Variants in PKHD1L1 observed in about 807,000 individuals in gnomAD.
PKHD1L1 encodes fibrocystin-L.
In PKHD1L1, 434 loss-of-function variants were observed where a neutral mutation model predicts 462.9. The ratio of observed to expected loss-of-function variants is 0.94; its 90% CI spans 0.87 to 1.02. The LOEUF is 1.02. Ranked by LOEUF, PKHD1L1 falls within the 50% of genes least tolerant of loss-of-function variation. The probability of loss-of-function intolerance (pLI) is 0.00; values close to 1 mark genes in which losing one functional copy is unlikely to be tolerated. For synonymous variants in PKHD1L1, 1,781 were observed against 1,750.0 expected (o/e 1.02, Z -0.44); for missense variants, 5,202 against 5,096.1 (o/e 1.02, Z -0.63).
chr8:109,467,300 G>A (rs1162731076), intron 50 of PKHD1L1, among the ~76,000 whole-genome samples: 1 of 152,128 alleles, frequency 6.6e-6, no homozygotes, highest in Non-Finnish European at 1.5e-5. Flanking sequence ...AAACGAGCAA[G>A]CTAACTAAAT....
In PKHD1L1 at chr8:109,426,209, T is replaced by A. The variant is rs551733247; in HGVS notation, c.2846-793T>A. ...ATTCATGACTTATAGGTTATCAGTA[T>A]TTTCAAAGACATTACAAATTAACAT... On this transcript the variant is annotated intron_variant, in intron 24 of 77. Transcript: ENST00000378402. Among the ~76,000 whole-genome samples the A allele has an allele frequency of 2.3e-4, 32 of 139,464 alleles. No homozygotes were observed. The South Asian group carries it at 7.7e-3, about 33-fold the overall frequency. 91.5% of individuals were successfully genotyped at this position (139,464 alleles called of 152,430 possible).
At chr8:109,416,588 A>G (rs762374325) in intron 21 of PKHD1L1, among the ~76,000 whole-genome samples, 1 of 152,204 alleles carries the variant, frequency 6.6e-6, no homozygotes, top group Non-Finnish European at 1.5e-5. Flanking sequence ...AATCCTATGT[A>G]TAAAATGGGA....
rs888709981 is a variant in PKHD1L1, at chr8:109,464,416, A to G, written c.7584A>G (p.Ile2528Met). The change falls in exon 49 of 78, where the codon ATA (isoleucine) becomes ATG (methionine). Residue 2528 changes from isoleucine (I) to methionine (M), a missense_variant. By Grantham distance (10) the Ile-to-Met change is conservative. This residue lies in a region of PKHD1L1 where 4,497 missense variants were observed against 4,336.8 expected (regional missense o/e 1.04). Transcript: ENST00000378402. ...IYDIKGGAFF[I>M]EDGIEHGNIL... ...ATATTAAGGGAGGAGCATTTTTTATAGAAGATGGTATTGAACATGGCAATA... is the reference window on the plus strand; with the variant it reads ...ATATTAAGGGAGGAGCATTTTTTATGGAAGATGGTATTGAACATGGCAATA... 2 of 1,613,580 alleles carry G rather than the reference A, an allele frequency of 1.2e-6. No homozygotes were observed. The highest frequency in any genetic ancestry group is 2.7e-5 in the African/African-American group (2 of 75,020).
chr8:109,463,816 C>T (rs537189669), intron 48 of PKHD1L1, among the ~76,000 whole-genome samples: 2 of 152,240 alleles, frequency 1.3e-5, no homozygotes, highest in South Asian at 4.1e-4. Flanking sequence ...TAGGATCATG[C>T]ATGCAAAAGA....
At position 109,508,161 on chromosome 8, in the gene PKHD1L1, G is replaced by A. The variant is rs1162057116; in HGVS notation, c.11292G>A (p.Met3764Ile). 3 of 1,612,888 alleles carry A rather than the reference G, an allele frequency of 1.9e-6. No homozygotes were observed. The African/African-American group carries it at 4.0e-5, about 22-fold the overall frequency. Reference sequence around the variant, plus strand: ...GGCAGAGCTATCAGTGCTTTGGGATGGAATATGCAATGATGGTTATTGAAA... The same window carrying A: ...GGCAGAGCTATCAGTGCTTTGGGATAGAATATGCAATGATGGTTATTGAAA... ...PEWQSYQCFG[M>I]EYAMMVIESL... Residue 3764 changes from methionine (M) to isoleucine (I), a missense_variant, in exon 70 of 78, where the codon ATG becomes ATA. Physicochemically the swap from Met to Ile is conservative, Grantham distance 10. This residue lies in a region of PKHD1L1 where 698 missense variants were observed against 736.3 expected (regional missense o/e 0.95). Coordinates refer to ENST00000378402, the MANE Select transcript of PKHD1L1 (RefSeq NM_177531.6).
chr8:109,534,960 T>G lies in PKHD1L1; in HGVS notation c.*4870T>G, dbSNP rs912408826. ...ATTCTTTCAATTTCTCTAAAGTGCT[T>G]AGCACACACTCTGCCCATGGTAAGT... On this transcript the variant is annotated 3_prime_UTR_variant, in exon 78 of 78. Coordinates refer to ENST00000378402, the MANE Select transcript of PKHD1L1 (RefSeq NM_177531.6). Among the ~76,000 whole-genome samples, 1 of 152,194 alleles carries G rather than the reference T, an allele frequency of 6.6e-6. No homozygotes were observed. The highest frequency in any genetic ancestry group is 6.5e-5 in the Admixed American group (1 of 15,278).
intron 14 of PKHD1L1, among the ~76,000 whole-genome samples, chr8:109,403,472 G>A (rs1008008002): frequency 2.6e-5 from 4 of 152,076 alleles, no homozygotes; most frequent in African/African-American, 7.2e-5. Flanking sequence ...AAGATTAAAC[G>A]TAATAATGTC....
intron 10 of PKHD1L1, among the ~76,000 whole-genome samples, chr8:109,395,594 T>TG (rs1812929550): frequency 6.6e-6 from 1 of 152,200 alleles, no homozygotes; most frequent in African/African-American, 2.4e-5. Context: ...CTACAACTTA[T>TG]ATATGCAAAG....
chr8:109,470,364 A>T, intron 50 of PKHD1L1: 1 of 1,554,306 alleles, frequency 6.4e-7, no homozygotes, highest in Non-Finnish European at 8.9e-7. Flanking sequence ...ATTACTATGA[A>T]CCCAAGCTTA....
intron 67 of PKHD1L1, among the ~76,000 whole-genome samples, chr8:109,501,374 T>A (rs1819406972): frequency 6.6e-6 from 1 of 152,152 alleles, no homozygotes; most frequent in African/African-American, 2.4e-5. Flanking sequence ...CAGGAGCCCG[T>A]GCCATTAGAT....
At chr8:109,442,604 G>A (rs1415294237) in intron 35 of PKHD1L1, among the ~76,000 whole-genome samples, 1 of 151,984 alleles carries the variant, frequency 6.6e-6, no homozygotes, top group Non-Finnish European at 1.5e-5. Flanking sequence ...TGTCTGTTTT[G>A]TTTTGTACAT....
In PKHD1L1 at chr8:109,535,458, C is replaced by G. The variant is rs61132431; in HGVS notation, c.*5368C>G. 3.0e-4 allele frequency among the ~76,000 whole-genome samples: 45 copies of G among 152,182 alleles called. No individual in the cohort carries two copies. Among genetic ancestry groups the G allele is most frequent in the African/African-American group, 1.1e-3 (45 of 41,506 alleles). On this transcript the variant is annotated 3_prime_UTR_variant, in exon 78 of 78. Transcript: ENST00000378402. ...AGGATTTAATTTCAAATAAGAACTACGTACAAAATATAGATTTAAATTAAT... is the reference window on the plus strand; with the variant it reads ...AGGATTTAATTTCAAATAAGAACTAGGTACAAAATATAGATTTAAATTAAT...
chr8:109,368,983 A>T (rs545370036), intron 2 of PKHD1L1, among the ~76,000 whole-genome samples: 19 of 145,246 alleles, frequency 1.3e-4, no homozygotes, highest in African/African-American at 1.8e-4. Flanking sequence ...AGAATTACAT[A>T]TTTTTTTTTT....
At chr8:109,374,804 T>C (rs1438458306) in intron 2 of PKHD1L1, among the ~76,000 whole-genome samples, 2 of 152,178 alleles carry the variant, frequency 1.3e-5, no homozygotes, top group African/African-American at 2.4e-5. Flanking sequence ...AAAATTCTTT[T>C]CTTTAAGAAT....
At position 109,486,776 on chromosome 8, in the gene PKHD1L1, C is replaced by T. The variant is rs189682035; in HGVS notation, c.9835C>T (p.Arg3279Cys). ...TTGGTCTGAGGACTCTTTTGGAGCA[C>T]GCGTACTGGTTGGCTCATTCACTGA... ...PGWSEDSFGA[R>C]VLVGSFTENM... Residue 3279 changes from arginine to cysteine, a missense_variant, in exon 59 of 78, where the codon CGC becomes TGC. By Grantham distance (180) the Arg-to-Cys change is radical (BLOSUM62 -3). This residue lies in a region of PKHD1L1 where 4,497 missense variants were observed against 4,336.8 expected (regional missense o/e 1.04). Transcript: ENST00000378402. The T allele has an allele frequency of 2.5e-3, 4,071 of 1,612,258 alleles. 7 individuals are homozygous for T. Among genetic ancestry groups the T allele is most frequent in the Non-Finnish European group, 2.9e-3 (3,427 of 1,178,776 alleles).
rs779451711 is a variant in PKHD1L1 at position 109,486,714 on chromosome 8, G to C, written c.9773G>C (p.Ser3258Thr). 6.2e-6 allele frequency: 10 copies of C among 1,612,380 alleles called. No individual in the cohort carries two copies. The highest frequency in any genetic ancestry group is 8.5e-6 in the Non-Finnish European group (10 of 1,178,908). ...TTAGCAGCTGATGTTGGGATACTGAGTAGGAACATCAAAATAGTTGGTGAA... is the reference window on the plus strand; with the variant it reads ...TTAGCAGCTGATGTTGGGATACTGACTAGGAACATCAAAATAGTTGGTGAA... The part of the protein sequence containing the change: ...YTLAADVGIL[S>T]RNIKIVGEDY... Residue 3258 changes from serine (S) to threonine (T), a missense_variant, in exon 59 of 78, where the codon AGT becomes ACT. Ser to Thr is a moderately conservative substitution (Grantham distance 58). This residue lies in a region of PKHD1L1 where 4,497 missense variants were observed against 4,336.8 expected (regional missense o/e 1.04). Transcript: ENST00000378402.
At chr8:109,462,315 T>C (rs1284304099) in intron 48 of PKHD1L1, among the ~76,000 whole-genome samples, 4 of 152,114 alleles carry the variant, frequency 2.6e-5, no homozygotes, top group Non-Finnish European at 5.9e-5. Flanking sequence ...ATGTATCAGA[T>C]CTTGTTACAC....
At chr8:109,365,921 C>T (rs544188675) in intron 2 of PKHD1L1, among the ~76,000 whole-genome samples, 5 of 152,262 alleles carry the variant, frequency 3.3e-5, no homozygotes, top group African/African-American at 1.2e-4. Flanking sequence ...TTGCAGTGAG[C>T]CGAGATCGCG....
At chr8:109,453,814 T>C (rs1816671187) in intron 43 of PKHD1L1, among the ~76,000 whole-genome samples, 1 of 152,186 alleles carries the variant, frequency 6.6e-6, no homozygotes, top group African/African-American at 2.4e-5. Flanking sequence ...TTTAATTGCT[T>C]TTGTTCTTAA....
Sources: allele counts gnomAD v4.1 joint callset (sites outside exome capture counted in the v4.1 genomes callset), GRCh38; gene constraint gnomAD v4.1.1; regional missense constraint gnomAD v4.1.1; transcripts MANE v1.5; gene names NCBI Gene and HGNC (gene_info 2026-07-23, HGNC 2026-07-21).